LRMDA: variants seen among roughly 807,000 people sequenced by gnomAD.
The protein encoded by LRMDA is leucine-rich melanocyte differentiation-associated protein.
LRMDA carries 18 observed loss-of-function variants against 29.8 expected under a neutral mutation model. The observed-to-expected ratio is 0.60, with a 90% confidence interval of 0.42 to 0.90. LRMDA has a LOEUF of 0.90. LRMDA is among the 40% of genes least tolerant of loss of function. The pLI, the probability that LRMDA is intolerant of heterozygous loss-of-function variation, is 0.00. For synonymous variants in LRMDA, 125 were observed against 109.4 expected (o/e 1.14, Z -0.89); for missense variants, 273 against 273.9 (o/e 1.00, Z 0.02).
intron 5 of LRMDA, among the ~76,000 whole-genome samples, chr10:76,322,583 A>G (rs1840784661): frequency 6.6e-6 from 1 of 152,216 alleles, no homozygotes. Flanking sequence ...ACAGAATTCT[A>G]ATGTGTAGCA....
At chr10:75,865,512 GTGATA>G (rs1359690894) in intron 2 of LRMDA, among the ~76,000 whole-genome samples, 5 of 152,122 alleles carry the variant, frequency 3.3e-5, no homozygotes, top group Non-Finnish European at 7.3e-5. Context: ...AATTCTTGAG[GTGATA>G]TGATGTGTTT....
chr10:76,089,678 G>A (rs992670063), intron 5 of LRMDA, among the ~76,000 whole-genome samples: 3 of 152,152 alleles, frequency 2.0e-5, no homozygotes, highest in Admixed American at 1.3e-4. Flanking sequence ...GGGCACGAGT[G>A]CACCACTCTG....
chr10:76,517,214 A>C (rs1843071035), intron 6 of LRMDA, among the ~76,000 whole-genome samples: 1 of 152,170 alleles, frequency 6.6e-6, no homozygotes, highest in Non-Finnish European at 1.5e-5. Context: ...AGAATTCTTC[A>C]AAATGATGAA....
chr10:76,203,483 GAA>G (rs1414543405), intron 5 of LRMDA, among the ~76,000 whole-genome samples: 1 of 152,126 alleles, frequency 6.6e-6, no homozygotes, highest in Non-Finnish European at 1.5e-5. Flanking sequence ...CTATAATTTG[GAA>G]AAATATATAT....
intron 5 of LRMDA, among the ~76,000 whole-genome samples, chr10:76,220,389 G>A (rs1287399940): frequency 6.6e-6 from 1 of 151,788 alleles, no homozygotes; most frequent in Non-Finnish European, 1.5e-5. Flanking sequence ...TAATAAAGAA[G>A]AAAAGAGAGA....
chr10:75,792,290 A>C (rs1843581579), intron 2 of LRMDA, among the ~76,000 whole-genome samples: 2 of 131,256 alleles, frequency 1.5e-5, no homozygotes, highest in Admixed American at 1.6e-4. Flanking sequence ...TTTGAGATGG[A>C]GTCTCACTCT....
At chr10:75,687,318 G>A (rs1361868336) in intron 2 of LRMDA, among the ~76,000 whole-genome samples, 1 of 152,336 alleles carries the variant, frequency 6.6e-6, no homozygotes, top group South Asian at 2.1e-4. Flanking sequence ...AATTCAAAGT[G>A]CTACTCCAGT....
chr10:76,394,166 T>C (rs1841756093), intron 6 of LRMDA, among the ~76,000 whole-genome samples: 1 of 152,204 alleles, frequency 6.6e-6, no homozygotes, highest in African/African-American at 2.4e-5. Context: ...TTTATTTTAA[T>C]TTAAAAAGGC....
intron 2 of LRMDA, among the ~76,000 whole-genome samples, chr10:75,695,137 A>G (rs1842218343): frequency 6.6e-6 from 1 of 152,168 alleles, no homozygotes; most frequent in Non-Finnish European, 1.5e-5. Context: ...ATTAACCAGT[A>G]AGACAGGGGT....
chr10:75,585,058 C>T (rs1840640519), intron 2 of LRMDA, among the ~76,000 whole-genome samples: 1 of 152,206 alleles, frequency 6.6e-6, no homozygotes, highest in African/African-American at 2.4e-5. Context: ...AAAGTGAACA[C>T]AGCAGTGTCA....
intron 2 of LRMDA, among the ~76,000 whole-genome samples, chr10:75,833,719 A>G (rs562001147): frequency 6.6e-6 from 1 of 152,362 alleles, no homozygotes; most frequent in South Asian, 2.1e-4. Context: ...GCCGCTAAGT[A>G]TAATCCATTC....
At chr10:76,035,910 C>A (rs1022548995) in intron 2 of LRMDA, 98 bp from the exon 3 acceptor site, 8 of 1,375,356 alleles carry the variant, frequency 5.8e-6, no homozygotes, top group Non-Finnish European at 7.7e-6. Flanking sequence ...CAAACTATTC[C>A]CAGTCCTGAA....
chr10:76,354,906 TTCTA>T (rs1180372160), intron 6 of LRMDA, among the ~76,000 whole-genome samples: 1 of 152,184 alleles, frequency 6.6e-6, no homozygotes, highest in Non-Finnish European at 1.5e-5. Flanking sequence ...ACATGATGTC[TTCTA>T]TCTAACTAAA....
intron 2 of LRMDA, among the ~76,000 whole-genome samples, chr10:75,558,148 T>G (rs2132059637): frequency 6.7e-6 from 1 of 149,500 alleles, no homozygotes; most frequent in Admixed American, 6.8e-5. Context: ...TGATTGTCAG[T>G]GGTATGATTT....
intron 2 of LRMDA, among the ~76,000 whole-genome samples, chr10:75,744,203 C>T (rs1385966987): frequency 2.0e-5 from 3 of 152,156 alleles, no homozygotes; most frequent in African/African-American, 7.2e-5. Flanking sequence ...TCTCTGGTTG[C>T]CTCTGGCAGG....
In LRMDA at chr10:76,510,980, A is replaced by G. The variant is rs568657007; in HGVS notation, c.602-46229A>G. Among the ~76,000 whole-genome samples, 380 of 152,268 alleles carry G rather than the reference A, an allele frequency of 2.5e-3. 1 individual carries two copies. The highest frequency in any genetic ancestry group is 4.6e-3 in the Non-Finnish European group (313 of 68,030). On this transcript the variant is annotated intron_variant, in intron 6 of 6. Transcript: ENST00000611255. ...AGGTTGCAAAGTAAATAAAAATGAAACTACACTTGATAAAGCAGGGATGGG... is the reference window on the plus strand; with the variant it reads ...AGGTTGCAAAGTAAATAAAAATGAAGCTACACTTGATAAAGCAGGGATGGG...
chr10:76,546,769 CTGTTTGTT>C (rs145839028), intron 6 of LRMDA, among the ~76,000 whole-genome samples: 2 of 151,916 alleles, frequency 1.3e-5, no homozygotes, highest in African/African-American at 2.4e-5. Flanking sequence ...ACCTTTATTG[CTGTTTGTT>C]TGTTTGTTTG....
At position 76,302,477 on chromosome 10, in the gene LRMDA, T is replaced by C. The variant is rs187527079; in HGVS notation, c.517-21924T>C. On this transcript the variant is annotated intron_variant, in intron 5 of 6. Coordinates refer to ENST00000611255, the MANE Select transcript of LRMDA (RefSeq NM_001305581.2). ...AGACTGTGCCATGTATTTGGGGTCATCTGGCTAGATTTATTTCATTGCACA... is the reference window on the plus strand; with the variant it reads ...AGACTGTGCCATGTATTTGGGGTCACCTGGCTAGATTTATTTCATTGCACA... 6.6e-5 allele frequency among the ~76,000 whole-genome samples: 10 copies of C among 152,322 alleles called. No homozygotes were observed. In the East Asian group the frequency reaches 1.7e-3, roughly 26 times the overall value.
At chr10:75,981,576 G>T (rs1309955819) in intron 2 of LRMDA, among the ~76,000 whole-genome samples, 1 of 152,166 alleles carries the variant, frequency 6.6e-6, no homozygotes, top group Non-Finnish European at 1.5e-5. Flanking sequence ...TGAGTGGGCC[G>T]GGCACGGTGG....
Sources: gnomAD v4.1 joint callset for allele counts (sites outside exome capture counted in the v4.1 genomes callset) on GRCh38, gnomAD v4.1.1 for gene constraint, MANE v1.5 for transcripts, NCBI Gene and HGNC (gene_info 2026-07-23, HGNC 2026-07-21) for gene names.